Variants in CCSER1 observed in about 807,000 individuals in gnomAD.
The protein encoded by CCSER1 is serine-rich coiled-coil domain-containing protein 1.
A neutral mutation model predicts 82.0 loss-of-function variants in CCSER1; 41 were observed. The observed-to-expected ratio is 0.50, with a 90% confidence interval of 0.39 to 0.65. The LOEUF (loss-of-function observed/expected upper bound fraction) is 0.65, where lower values mean the gene tolerates loss of function less well. CCSER1 is among the 30% of genes least tolerant of loss of function. The probability of loss-of-function intolerance (pLI) is 0.00; values close to 1 mark genes in which losing one functional copy is unlikely to be tolerated. For missense variants in CCSER1, 1,119 were observed against 1,064.2 expected (o/e 1.05, Z -0.72); for synonymous variants, 414 against 383.9 (o/e 1.08, Z -0.92).
intron 6 of CCSER1, among the ~76,000 whole-genome samples, chr4:90,654,153 C>A (rs966400467): frequency 1.3e-5 from 2 of 152,234 alleles, no homozygotes; most frequent in African/African-American, 4.8e-5. Context: ...GGACATAAAT[C>A]CAGACCATAT....
In CCSER1 at chr4:90,749,518, C is replaced by T. The variant is rs1487225202; in HGVS notation, c.2010+25527C>T. On this transcript the variant is annotated intron_variant, in intron 7 of 10. Coordinates refer to ENST00000509176, the MANE Select transcript of CCSER1 (RefSeq NM_001145065.2). ...TTGGCTTAGGATTGACTTGGCTATG[C>T]GGGCTCTTTTTTGGTTCCATATGAA... Among the ~76,000 whole-genome samples the T allele has an allele frequency of 8.5e-5, 13 of 152,080 alleles. No homozygotes were observed. In the East Asian group the frequency reaches 9.7e-4, roughly 11 times the overall value.
chr4:91,423,129 A>T (rs1466689213), intron 10 of CCSER1, among the ~76,000 whole-genome samples: 1 of 151,946 alleles, frequency 6.6e-6, no homozygotes, highest in Admixed American at 6.6e-5. Context: ...TTTTTCTTTT[A>T]AAAAAAGTAG....
chr4:91,296,967 G>A (rs1027773647), intron 10 of CCSER1, among the ~76,000 whole-genome samples: 2 of 151,628 alleles, frequency 1.3e-5, no homozygotes, highest in Non-Finnish European at 2.9e-5. Flanking sequence ...ATGTTGTGAA[G>A]ATTTTGGGTT....
chr4:90,352,998 T>G (rs1240236454), intron 3 of CCSER1, among the ~76,000 whole-genome samples: 1 of 146,280 alleles, frequency 6.8e-6, no homozygotes, highest in East Asian at 2.0e-4. Flanking sequence ...TGAGGAAATA[T>G]TAGCAATCAT....
intron 10 of CCSER1, among the ~76,000 whole-genome samples, chr4:91,578,719 T>A (rs1409268171): frequency 6.6e-6 from 1 of 152,018 alleles, no homozygotes; most frequent in Non-Finnish European, 1.5e-5. Context: ...CTCCCAGTTT[T>A]GGAAATATTT....
Position 91,128,582 on chromosome 4 carries a change from A to T in CCSER1, c.2217+42588A>T, listed in dbSNP as rs943958398. ...AATACAAAACAAAACAAAATCAGGA[A>T]ATTATGATTGTTCCTAATCCTAACG... On this transcript the variant is annotated intron_variant, in intron 10 of 10. Transcript: ENST00000509176. 1.3e-4 allele frequency among the ~76,000 whole-genome samples: 20 copies of T among 152,230 alleles called. No individual in the cohort carries two copies. In the Middle Eastern group the frequency reaches 0.014, roughly 104 times the overall value.
intron 10 of CCSER1, among the ~76,000 whole-genome samples, chr4:91,326,731 C>G (rs1746589652): frequency 6.6e-6 from 1 of 151,956 alleles, no homozygotes; most frequent in Non-Finnish European, 1.5e-5. Flanking sequence ...GCCTGTAAAA[C>G]AAAAAACAAG....
chr4:91,048,872 T>G (rs1742750706), intron 9 of CCSER1, among the ~76,000 whole-genome samples: 1 of 152,182 alleles, frequency 6.6e-6, no homozygotes, highest in African/African-American at 2.4e-5. Flanking sequence ...GATCAAATAA[T>G]GGGCTTCCTT....
intron 7 of CCSER1, among the ~76,000 whole-genome samples, chr4:90,757,314 G>C (rs1459423492): frequency 6.6e-6 from 1 of 152,192 alleles, no homozygotes; most frequent in Non-Finnish European, 1.5e-5. Context: ...CAGATTGGCT[G>C]TTTCAAAGTT....
chr4:90,271,730 G>T (rs1726308833), intron 1 of CCSER1, among the ~76,000 whole-genome samples: 1 of 148,438 alleles, frequency 6.7e-6, no homozygotes, highest in South Asian at 2.1e-4. Context: ...GAAAATATTT[G>T]CAAACTGTCC....
chr4:91,187,608 G>C (rs918193168), intron 10 of CCSER1, among the ~76,000 whole-genome samples: 10 of 151,818 alleles, frequency 6.6e-5, no homozygotes, highest in Admixed American at 6.6e-5. Flanking sequence ...CTGGAGTGCA[G>C]TGATGCGATC....
At chr4:91,384,126 G>T (rs888440933) in intron 10 of CCSER1, among the ~76,000 whole-genome samples, 3 of 151,962 alleles carry the variant, frequency 2.0e-5, no homozygotes, top group African/African-American at 4.8e-5. Flanking sequence ...CCTAAATATT[G>T]CTGGTTAATT....
At position 91,235,913 on chromosome 4, in the gene CCSER1, A is replaced by G. The variant is rs531639622; in HGVS notation, c.2217+149919A>G. Among the ~76,000 whole-genome samples the G allele has an allele frequency of 6.0e-4, 91 of 152,350 alleles. 2 individuals are homozygous for G. The South Asian group carries it at 0.018, about 30-fold the overall frequency. On this transcript the variant is annotated intron_variant, in intron 10 of 10. Transcript: ENST00000509176. ...ATATGGTGAGTGAATCATAATTACT[A>G]TTAATAGGATGATTACTTCTGTTGC...
chr4:91,424,778 GAAGTA>G (rs1753879479), intron 10 of CCSER1, among the ~76,000 whole-genome samples: 1 of 152,014 alleles, frequency 6.6e-6, no homozygotes, highest in Admixed American at 6.6e-5. Context: ...TATTTTTACA[GAAGTA>G]AATGTAATAT....
chr4:91,562,303 C>T (rs1429452665), intron 10 of CCSER1, among the ~76,000 whole-genome samples: 1 of 151,272 alleles, frequency 6.6e-6, no homozygotes. Context: ...ATTGTAATGT[C>T]ACCCTTAAAA....
intron 7 of CCSER1, among the ~76,000 whole-genome samples, chr4:90,782,539 A>T (rs1362540873): frequency 6.6e-6 from 1 of 152,162 alleles, no homozygotes; most frequent in Non-Finnish European, 1.5e-5. Flanking sequence ...TTCTAACCAG[A>T]TATAAAGGCA....
At chr4:90,601,691 T>C (rs955140850) in intron 5 of CCSER1, among the ~76,000 whole-genome samples, 1 of 151,938 alleles carries the variant, frequency 6.6e-6, no homozygotes, top group Admixed American at 6.6e-5. Flanking sequence ...TATGGGTGTT[T>C]AGTGCTCCAA....
intron 10 of CCSER1, among the ~76,000 whole-genome samples, chr4:91,380,007 C>G (rs141255055): frequency 6.6e-6 from 1 of 152,138 alleles, no homozygotes; most frequent in Non-Finnish European, 1.5e-5. Context: ...GTTATGTACC[C>G]AGTAGTCATT....
At chr4:91,103,605 C>A in intron 10 of CCSER1, among the ~76,000 whole-genome samples, 1 of 152,096 alleles carries the variant, frequency 6.6e-6, no homozygotes, top group Non-Finnish European at 1.5e-5. Context: ...ATTTCATGGA[C>A]GTTTATCAGT....
Sources: allele counts gnomAD v4.1 joint callset (sites outside exome capture counted in the v4.1 genomes callset), GRCh38; gene constraint gnomAD v4.1.1; transcripts MANE v1.5; gene names NCBI Gene and HGNC (gene_info 2026-07-23, HGNC 2026-07-21).